The following TAFA5 variants were observed in gnomAD, a reference collection of about 807,000 sequenced individuals.
The protein encoded by TAFA5 is chemokine-like protein TAFA-5.
In TAFA5, 6 loss-of-function variants were observed where a neutral mutation model predicts 15.3. The observed-to-expected ratio is 0.39, with a 90% CI of 0.21 to 0.77. The LOEUF (loss-of-function observed/expected upper bound fraction) is 0.77, where lower values mean the gene tolerates loss of function less well. Among genes scored for constraint, TAFA5 ranks in the 30% least tolerant of loss-of-function variants. The pLI is 0.41. For missense variants in TAFA5, 161 were observed against 193.1 expected (o/e 0.83, Z 0.98); for synonymous variants, 103 against 80.7 (o/e 1.28, Z -1.48).
intron 2 of TAFA5, among the ~76,000 whole-genome samples, chr22:48,670,041 C>G (rs1289156032): frequency 6.6e-6 from 1 of 152,180 alleles, no homozygotes; most frequent in East Asian, 1.9e-4. Context: ...TCCAAGCCTG[C>G]GAATCCCTCC....
At chr22:48,532,027 C>G (rs922856552) in intron 1 of TAFA5, among the ~76,000 whole-genome samples, 2 of 152,238 alleles carry the variant, frequency 1.3e-5, no homozygotes, top group African/African-American at 4.8e-5. Context: ...CAGCTGGTCA[C>G]TGTGCATCCA....
In TAFA5 at chr22:48,605,336, A is replaced by ATGG. The variant is rs200068074; in HGVS notation, c.113-41258_113-41256dup. On this transcript the variant is annotated intron_variant, in intron 1 of 3. Transcript: ENST00000402357. Reference sequence around the variant, plus strand: ...GGTGGTGATGGTGATGATGGTGATGATGGTGATGGCGATGGTGATGATGGT... The same window carrying ATGG: ...GGTGGTGATGGTGATGATGGTGATGATGGTGGTGATGGCGATGGTGATGATGGT... Among the ~76,000 whole-genome samples the ATGG allele has an allele frequency of 0.022, 629 of 28,650 alleles. 44 individuals are homozygous for ATGG. In the East Asian group the frequency reaches 0.53, roughly 24 times the overall value. 18.8% of individuals were successfully genotyped at this position (28,650 alleles called of 152,430 possible).
rs572294907 is a variant in TAFA5 at position 48,552,863 on chromosome 22, G to A, written c.112+63159G>A. On this transcript the variant is annotated intron_variant, in intron 1 of 3. Coordinates refer to ENST00000402357, the MANE Select transcript of TAFA5 (RefSeq NM_001082967.3). This position sits in a 1 kb window ranked among gnomAD's most constrained non-coding sequence, Gnocchi z 4.1. ...AGGGAGGAGGCCCAGAGCCAGCCCT[G>A]GGTGCTGAGCCCCTGGTTTCCCACT... is the stretch of plus-strand genomic sequence containing the variant. Among the ~76,000 whole-genome samples the A allele has an allele frequency of 6.6e-6, 1 of 152,194 alleles. No individual in the cohort carries two copies. Among genetic ancestry groups the A allele is most frequent in the East Asian group, 1.9e-4 (1 of 5,148 alleles).
At chr22:48,537,046 C>T (rs957067355) in intron 1 of TAFA5, among the ~76,000 whole-genome samples, 1 of 152,178 alleles carries the variant, frequency 6.6e-6, no homozygotes, top group Non-Finnish European at 1.5e-5. Flanking sequence ...TGGGTGTGGT[C>T]AGGAGGAATG....
intron 2 of TAFA5, among the ~76,000 whole-genome samples, chr22:48,702,229 G>A (rs367853658): frequency 3.3e-5 from 5 of 152,134 alleles, no homozygotes; most frequent in Non-Finnish European, 5.9e-5. Context: ...ATATATGTAC[G>A]TGATGGAGAG....
chr22:48,709,221 G>C (rs1929176906), intron 3 of TAFA5, among the ~76,000 whole-genome samples: 1 of 152,208 alleles, frequency 6.6e-6, no homozygotes, highest in South Asian at 2.1e-4. Flanking sequence ...GGACAGGACA[G>C]GAGATGAGGG....
intron 2 of TAFA5, among the ~76,000 whole-genome samples, chr22:48,705,385 G>A (rs13058693): frequency 0.34 from 51,177 of 152,056 alleles, 8,911 homozygotes; most frequent in East Asian, 0.56. Context: ...CCCCCTTGTC[G>A]GAACTGAGGA....
chr22:48,627,524 C>G (rs1926067849), intron 1 of TAFA5, among the ~76,000 whole-genome samples: 1 of 152,254 alleles, frequency 6.6e-6, no homozygotes, highest in Admixed American at 6.5e-5. Context: ...AGCCCTGCCC[C>G]CCCAGGTAGT....
chr22:48,676,207 C>A (rs888500041), intron 2 of TAFA5, among the ~76,000 whole-genome samples: 1 of 152,248 alleles, frequency 6.6e-6, no homozygotes, highest in Non-Finnish European at 1.5e-5. Flanking sequence ...GGGCAGAGAG[C>A]CTGGACAGCG....
intron 2 of TAFA5, among the ~76,000 whole-genome samples, chr22:48,673,505 G>A (rs1343761032): frequency 4.6e-5 from 7 of 152,156 alleles, no homozygotes; most frequent in African/African-American, 1.7e-4. Context: ...TAAGTTGGGG[G>A]AATGGCTGTT....
At chr22:48,644,403 A>G (rs1395485592) in intron 1 of TAFA5, among the ~76,000 whole-genome samples, 1 of 152,212 alleles carries the variant, frequency 6.6e-6, no homozygotes, top group Non-Finnish European at 1.5e-5. Context: ...TGGGCTCTGC[A>G]GCCTGGCCTG....
intron 2 of TAFA5, among the ~76,000 whole-genome samples, chr22:48,705,174 A>G (rs1569087253): frequency 6.6e-6 from 1 of 152,054 alleles, no homozygotes; most frequent in Non-Finnish European, 1.5e-5. Context: ...TGACCTGGAA[A>G]GGGATTGGGG....
intron 3 of TAFA5, among the ~76,000 whole-genome samples, chr22:48,725,163 G>A (rs1435833869): frequency 2.0e-5 from 3 of 152,344 alleles, no homozygotes; most frequent in South Asian, 2.1e-4. Flanking sequence ...CACATCGCCC[G>A]GACCTTTCAG....
intron 2 of TAFA5, among the ~76,000 whole-genome samples, chr22:48,680,230 T>A (rs1247650233): frequency 2.6e-5 from 4 of 152,348 alleles, no homozygotes; most frequent in Middle Eastern, 3.4e-3. Context: ...GAAGCAGAGT[T>A]ATAAATAACT....
intron 1 of TAFA5, among the ~76,000 whole-genome samples, chr22:48,496,501 C>A (rs1329261875): frequency 6.6e-6 from 1 of 152,142 alleles, no homozygotes; most frequent in Non-Finnish European, 1.5e-5. Flanking sequence ...TGTGGAAACC[C>A]TTCTATACAA....
chr22:48,542,401 G>GCA (rs1569019047), intron 1 of TAFA5, among the ~76,000 whole-genome samples: 1 of 122,654 alleles, frequency 8.2e-6, no homozygotes, highest in Non-Finnish European at 1.7e-5. Context: ...GTGTGTGTGT[G>GCA]CGTGTGTGGC....
chr22:48,559,738 G>A (rs1335993372), intron 1 of TAFA5, among the ~76,000 whole-genome samples: 4 of 152,178 alleles, frequency 2.6e-5, no homozygotes, highest in Non-Finnish European at 4.4e-5. Flanking sequence ...GGCACAGCCC[G>A]AGCCAGGCAG....
chr22:48,525,939 C>G (rs1247507022), intron 1 of TAFA5, among the ~76,000 whole-genome samples: 1 of 152,216 alleles, frequency 6.6e-6, no homozygotes, highest in Non-Finnish European at 1.5e-5. Flanking sequence ...CTCCCGCTGC[C>G]CTGCCTCCCA....
intron 1 of TAFA5, among the ~76,000 whole-genome samples, chr22:48,548,818 C>T (rs1282667803): frequency 6.6e-6 from 1 of 152,234 alleles, no homozygotes; most frequent in Admixed American, 6.5e-5. Context: ...ATCTCCTGGC[C>T]CCTTTAATCC....
Sources: allele counts gnomAD v4.1 joint callset (sites outside exome capture counted in the v4.1 genomes callset), GRCh38; gene constraint gnomAD v4.1.1; non-coding constraint Gnocchi (gnomAD v3.1); transcripts MANE v1.5; gene names NCBI Gene and HGNC (gene_info 2026-07-23, HGNC 2026-07-21).